PPM1H: variants seen among roughly 807,000 people sequenced by gnomAD.
PPM1H encodes the protein protein phosphatase, Mg2+/Mn2+ dependent 1H.
PPM1H carries 27 observed loss-of-function variants against 54.9 expected under a neutral mutation model. That is an observed-to-expected ratio of 0.49 (90% confidence interval 0.36 to 0.68). PPM1H has a LOEUF of 0.68. Among genes scored for constraint, PPM1H ranks in the 30% least tolerant of loss-of-function variants. The pLI is 0.00. For missense variants in PPM1H, 596 were observed against 667.8 expected (o/e 0.89, Z 1.19); for synonymous variants, 305 against 270.8 (o/e 1.13, Z -1.24).
chr12:62,707,173 G>T (rs1293212414), intron 6 of PPM1H, among the ~76,000 whole-genome samples: 2 of 152,156 alleles, frequency 1.3e-5, no homozygotes, highest in Admixed American at 1.3e-4. Context: ...GGGCAGCATG[G>T]TCTCCTGACC....
At chr12:62,788,425 C>G (rs1206457228) in intron 3 of PPM1H, 87 bp from the exon 4 acceptor site, 1 of 803,754 alleles carries the variant, frequency 1.2e-6, no homozygotes, top group Non-Finnish European at 2.0e-6. Context: ...AGTCCCCAGA[C>G]TCTGAATGTG....
chr12:62,666,817 A>C lies in PPM1H; in HGVS notation c.1397+361T>G, dbSNP rs372016330. Among the ~76,000 whole-genome samples the C allele has an allele frequency of 2.7e-3, 407 of 152,224 alleles. 1 individual carries two copies. The highest frequency in any genetic ancestry group is 4.6e-3 in the Non-Finnish European group (314 of 68,010). On this transcript the variant is annotated intron_variant, in intron 9 of 9. Transcript: ENST00000228705. ...CAACCTCTACCTCCCAGGTTCAAGC[A>C]ATTCTCCTGCCTCTGCCTCCCGAGT...
At chr12:62,755,936 A>G in intron 4 of PPM1H, 1 of 830,014 alleles carries the variant, frequency 1.2e-6, no homozygotes, top group Non-Finnish European at 2.1e-6. Context: ...CTGTGTCCCT[A>G]CTGCCAATGT....
chr12:62,814,083 G>A (rs1264085464), intron 2 of PPM1H, among the ~76,000 whole-genome samples: 1 of 151,954 alleles, frequency 6.6e-6, no homozygotes, highest in African/African-American at 2.4e-5. Context: ...CATTGGGGGT[G>A]CATTTTTTTT....
At chr12:62,784,591 G>A in intron 4 of PPM1H, among the ~76,000 whole-genome samples, 1 of 152,148 alleles carries the variant, frequency 6.6e-6, no homozygotes. Context: ...TCATTAATCA[G>A]GGCTCTGTTG....
intron 4 of PPM1H, among the ~76,000 whole-genome samples, chr12:62,781,746 G>C (rs1455326680): frequency 6.6e-6 from 1 of 152,232 alleles, no homozygotes; most frequent in Non-Finnish European, 1.5e-5. Context: ...AGGTCAGAGA[G>C]AGAAGGGCCT....
rs555906872 is a variant in PPM1H, at chr12:62,646,148, G to T, written c.*2341C>A. On this transcript the variant is annotated 3_prime_UTR_variant, in exon 10 of 10. Coordinates refer to ENST00000228705, the MANE Select transcript of PPM1H (RefSeq NM_020700.2). The stretch of plus-strand genomic sequence containing the variant: ...CTAAGATCTTTCCACTCAAGGGGGC[G>T]TAGGAAAACAATTCCTGGATGCCTT... 1 of 152,182 alleles carries T rather than the reference G, an allele frequency of 6.6e-6. No homozygotes were observed. The highest frequency in any genetic ancestry group is 2.1e-4 in the South Asian group (1 of 4,822). 9.4% of individuals were successfully genotyped at this position (152,182 alleles called of 1,614,324 possible).
intron 4 of PPM1H, among the ~76,000 whole-genome samples, chr12:62,771,085 CACAA>C (rs1230284145): frequency 1.4e-5 from 2 of 141,660 alleles, no homozygotes; most frequent in Non-Finnish European, 3.1e-5. Flanking sequence ...CACACACACA[CACAA>C]CTGTGTTTTT....
At chr12:62,834,436 C>T (rs1344850375) in intron 1 of PPM1H, among the ~76,000 whole-genome samples, 2 of 152,194 alleles carry the variant, frequency 1.3e-5, no homozygotes, top group Non-Finnish European at 2.9e-5. Flanking sequence ...GGAAGTGGCA[C>T]AGCTGGGATT....
intron 2 of PPM1H, among the ~76,000 whole-genome samples, chr12:62,809,281 C>T (rs2076822388): frequency 6.6e-6 from 1 of 152,296 alleles, no homozygotes; most frequent in African/African-American, 2.4e-5. Flanking sequence ...AAACTCCTGG[C>T]TTCAAGTGAT....
chr12:62,893,000 C>T (rs1870853598), intron 1 of PPM1H, among the ~76,000 whole-genome samples: 1 of 152,176 alleles, frequency 6.6e-6, no homozygotes, highest in African/African-American at 2.4e-5. Flanking sequence ...GATTCTGAGA[C>T]TTTAAGCTCA....
At chr12:62,912,133 A>T (rs973310128) in intron 1 of PPM1H, among the ~76,000 whole-genome samples, 3 of 152,240 alleles carry the variant, frequency 2.0e-5, no homozygotes, top group African/African-American at 7.2e-5. Flanking sequence ...AGTGGTGATT[A>T]TATGAAAGGA....
intron 3 of PPM1H, among the ~76,000 whole-genome samples, chr12:62,791,519 C>T (rs1481752614): frequency 6.6e-6 from 1 of 152,192 alleles, no homozygotes; most frequent in Non-Finnish European, 1.5e-5. Context: ...AAAGAGTCTG[C>T]ATCCAATACA....
At chr12:62,932,504 C>T (rs929628113) in intron 1 of PPM1H, among the ~76,000 whole-genome samples, 2 of 152,096 alleles carry the variant, frequency 1.3e-5, no homozygotes, top group South Asian at 4.1e-4. Context: ...GGCGCCCTCG[C>T]CCTGGGAAAC....
At chr12:62,707,478 G>A (rs536977147) in intron 6 of PPM1H, among the ~76,000 whole-genome samples, 2 of 152,226 alleles carry the variant, frequency 1.3e-5, no homozygotes, top group East Asian at 1.9e-4. Context: ...CTCTTTAACC[G>A]ACCACTTCTG....
chr12:62,823,679 C>T (rs1266262206), intron 2 of PPM1H, among the ~76,000 whole-genome samples: 1 of 152,160 alleles, frequency 6.6e-6, no homozygotes, highest in Non-Finnish European at 1.5e-5. Flanking sequence ...GCAGAAAAGG[C>T]CTTTGACAAA....
chr12:62,882,912 C>A (rs897183289), intron 1 of PPM1H, among the ~76,000 whole-genome samples: 1 of 151,952 alleles, frequency 6.6e-6, no homozygotes. Flanking sequence ...CCACCCTCCA[C>A]CCCCACCGCC....
At chr12:62,723,060 G>A (rs1370962707) in intron 5 of PPM1H, among the ~76,000 whole-genome samples, 1 of 152,142 alleles carries the variant, frequency 6.6e-6, no homozygotes, top group Non-Finnish European at 1.5e-5. Flanking sequence ...AATGTGCTCA[G>A]AACACTTACA....
chr12:62,825,641 C>A (rs1452371505), intron 2 of PPM1H, among the ~76,000 whole-genome samples: 1 of 152,096 alleles, frequency 6.6e-6, no homozygotes, highest in Non-Finnish European at 1.5e-5. Flanking sequence ...GGACAGAAAA[C>A]CAAACATCAT....
Sources: gnomAD v4.1 joint callset for allele counts (sites outside exome capture counted in the v4.1 genomes callset) on GRCh38, gnomAD v4.1.1 for gene constraint, MANE v1.5 for transcripts, NCBI Gene and HGNC (gene_info 2026-07-23, HGNC 2026-07-21) for gene names.